JARID2: variants seen among roughly 807,000 people sequenced by gnomAD.
JARID2 encodes the protein protein Jumonji.
A neutral mutation model predicts 125.6 loss-of-function variants in JARID2; 21 were observed. The observed-to-expected ratio is 0.17, with a 90% CI of 0.12 to 0.24. The LOEUF is 0.24. JARID2 is among the 10% of genes least tolerant of loss of function. JARID2 has a pLI of 1.00. For synonymous variants in JARID2, 736 were observed against 661.6 expected (o/e 1.11, Z -1.73); for missense variants, 1,303 against 1,639.6 (o/e 0.79, Z 3.55).
chr6:15,508,668 ACTGT>A (rs1227794416), intron 12 of JARID2, among the ~76,000 whole-genome samples: 4 of 152,312 alleles, frequency 2.6e-5, no homozygotes, highest in Non-Finnish European at 4.4e-5. Flanking sequence ...ATGTTGTAAC[ACTGT>A]CTGATGATGA....
At chr6:15,495,437 C>T (rs1029000746) in intron 6 of JARID2, among the ~76,000 whole-genome samples, 3 of 152,146 alleles carry the variant, frequency 2.0e-5, no homozygotes, top group Admixed American at 1.3e-4. Flanking sequence ...GTCGGGGCAT[C>T]CCTCTTCCAT....
intron 3 of JARID2, among the ~76,000 whole-genome samples, chr6:15,419,944 G>A (rs1766410014): frequency 6.6e-6 from 1 of 152,148 alleles, no homozygotes; most frequent in East Asian, 1.9e-4. Flanking sequence ...ATATTTTCGT[G>A]TGCATTCGTC....
At chr6:15,469,646 A>C (rs1768975768) in intron 5 of JARID2, among the ~76,000 whole-genome samples, 1 of 151,406 alleles carries the variant, frequency 6.6e-6, no homozygotes, top group Non-Finnish European at 1.5e-5. Flanking sequence ...GAAGTGACTT[A>C]AATGGAGTTG....
intron 3 of JARID2, among the ~76,000 whole-genome samples, chr6:15,431,541 CTA>C (rs1766967948): frequency 5.3e-5 from 8 of 152,218 alleles, no homozygotes; most frequent in African/African-American, 1.9e-4. Context: ...ACTGCCTCCA[CTA>C]CTTTTAGTGT....
intron 1 of JARID2, among the ~76,000 whole-genome samples, chr6:15,361,938 C>T (rs1055732060): frequency 2.1e-5 from 3 of 146,266 alleles, no homozygotes; most frequent in African/African-American, 7.7e-5. Context: ...CTTGATCTCC[C>T]AGGCTGGAGT....
intron 12 of JARID2, chr6:15,509,044 G>GT: frequency 7.8e-7 from 1 of 1,289,344 alleles, no homozygotes; most frequent in Non-Finnish European, 1.0e-6. Flanking sequence ...TTCCTGCCAT[G>GT]TGGAGACACG....
At chr6:15,442,026 C>T (rs1390193669) in intron 3 of JARID2, among the ~76,000 whole-genome samples, 2 of 151,978 alleles carry the variant, frequency 1.3e-5, no homozygotes, top group East Asian at 3.9e-4. Flanking sequence ...AGGTGATCCC[C>T]CACGCCTGGC....
intron 1 of JARID2, among the ~76,000 whole-genome samples, chr6:15,295,990 C>T (rs1308114377): frequency 1.3e-5 from 2 of 152,148 alleles, no homozygotes; most frequent in African/African-American, 2.4e-5. Context: ...CATTTTATAC[C>T]TCACGCAGAG....
intron 1 of JARID2, among the ~76,000 whole-genome samples, chr6:15,251,297 T>G (rs769777999): frequency 6.6e-6 from 1 of 152,264 alleles, no homozygotes; most frequent in Non-Finnish European, 1.5e-5. Context: ...ATTACAGGCG[T>G]GAGCCACTGC....
chr6:15,319,555 G>A (rs1468401890), intron 1 of JARID2, among the ~76,000 whole-genome samples: 1 of 152,078 alleles, frequency 6.6e-6, no homozygotes, highest in Non-Finnish European at 1.5e-5. Context: ...GCGCAACTGT[G>A]CCCTGCCAAT....
At chr6:15,478,586 CTCAAA>C (rs1769464094) in intron 5 of JARID2, among the ~76,000 whole-genome samples, 1 of 152,020 alleles carries the variant, frequency 6.6e-6, no homozygotes, top group African/African-American at 2.4e-5. Context: ...AAATTCCTTA[CTCAAA>C]TCCAAAGGTG....
chr6:15,394,737 G>C (rs1312066878), intron 2 of JARID2, among the ~76,000 whole-genome samples: 1 of 152,182 alleles, frequency 6.6e-6, no homozygotes, highest in Non-Finnish European at 1.5e-5. Context: ...TGCTCTCTAG[G>C]CAGAGGAGAG....
At chr6:15,343,280 G>C (rs1763133084) in intron 1 of JARID2, among the ~76,000 whole-genome samples, 1 of 140,040 alleles carries the variant, frequency 7.1e-6, no homozygotes, top group Non-Finnish European at 1.5e-5. Context: ...CACAGTCCTA[G>C]TTAAGGATTT....
intron 3 of JARID2, among the ~76,000 whole-genome samples, chr6:15,442,852 A>G (rs954701353): frequency 6.6e-6 from 1 of 152,200 alleles, no homozygotes; most frequent in Admixed American, 6.5e-5. Flanking sequence ...TCAGGATGCC[A>G]TAGAAGATTT....
chr6:15,371,339 T>C (rs1214190022), intron 1 of JARID2, among the ~76,000 whole-genome samples: 4 of 152,374 alleles, frequency 2.6e-5, no homozygotes, highest in African/African-American at 9.6e-5. Context: ...TTATAATTTA[T>C]AAACTGTGTA....
chr6:15,272,279 C>CAGCT (rs1297815041), intron 1 of JARID2, among the ~76,000 whole-genome samples: 1 of 152,258 alleles, frequency 6.6e-6, no homozygotes, highest in East Asian at 1.9e-4. Flanking sequence ...GGAAGGAAGA[C>CAGCT]AGCTAGCTAT....
intron 6 of JARID2, 58 bp downstream of exon 6, chr6:15,487,600 C>G (rs1191257180): frequency 7.2e-7 from 1 of 1,395,720 alleles, no homozygotes; most frequent in Admixed American, 2.4e-5. Flanking sequence ...CACTTCACTT[C>G]ACCAAGCTAA....
chr6:15,293,305 T>C (rs976322807), intron 1 of JARID2, among the ~76,000 whole-genome samples: 3 of 152,146 alleles, frequency 2.0e-5, no homozygotes, highest in Non-Finnish European at 4.4e-5. Context: ...ATCCCAGCTA[T>C]TGGGGAGGCT....
chr6:15,314,111 G>T (rs1313475533), intron 1 of JARID2, among the ~76,000 whole-genome samples: 1 of 152,134 alleles, frequency 6.6e-6, no homozygotes, highest in Non-Finnish European at 1.5e-5. Context: ...CAAAGGGACG[G>T]GCTTAAGGTT....
Sources: gnomAD v4.1 joint callset for allele counts (sites outside exome capture counted in the v4.1 genomes callset) on GRCh38, gnomAD v4.1.1 for gene constraint, MANE v1.5 for transcripts, NCBI Gene and HGNC (gene_info 2026-07-23, HGNC 2026-07-21) for gene names.